The following CAPN5 variants were observed in gnomAD, a reference collection of about 807,000 sequenced individuals.
CAPN5 encodes calpain-5.
A neutral mutation model predicts 73.0 loss-of-function variants in CAPN5; 54 were observed. The observed-to-expected ratio is 0.74, with a 90% CI of 0.59 to 0.93. The LOEUF is 0.93. Ranked by LOEUF, CAPN5 falls within the 40% of genes least tolerant of loss-of-function variation. CAPN5 has a pLI of 0.00. For synonymous variants in CAPN5, 335 were observed against 356.9 expected (o/e 0.94, Z 0.69); for missense variants, 785 against 882.9 (o/e 0.89, Z 1.41).
intron 11 of CAPN5, among the ~76,000 whole-genome samples, 164 bp downstream of exon 11, chr11:77,122,213 G>T (rs1176334338): frequency 6.6e-6 from 1 of 152,332 alleles, no homozygotes; most frequent in East Asian, 1.9e-4. Context: ...AGAGGAAAAG[G>T]TTTACCTTCT....
intron 3 of CAPN5, among the ~76,000 whole-genome samples, chr11:77,094,528 C>G (rs2135437906): frequency 6.6e-6 from 1 of 152,370 alleles, no homozygotes; most frequent in Non-Finnish European, 1.5e-5. Flanking sequence ...GGAGGCAGAC[C>G]CTGGCTCCCT....
chr11:77,073,856 C>A (rs527735827), intron 1 of CAPN5, among the ~76,000 whole-genome samples: 2 of 152,136 alleles, frequency 1.3e-5, no homozygotes, highest in Non-Finnish European at 2.9e-5. Flanking sequence ...TTGGCTCTGG[C>A]GCCAGAACCC....
intron 2 of CAPN5, among the ~76,000 whole-genome samples, chr11:77,091,242 A>T (rs1555036469): frequency 1.3e-5 from 2 of 152,168 alleles, no homozygotes; most frequent in Non-Finnish European, 2.9e-5. Flanking sequence ...CCCTGCTGGG[A>T]TGACCATTTA....
chr11:77,099,276 T>C (rs71428289), intron 3 of CAPN5, among the ~76,000 whole-genome samples: 1 of 101,758 alleles, frequency 9.8e-6, no homozygotes, highest in African/African-American at 4.1e-5. Context: ...GCTCCTCACA[T>C]CCCAGACGAT....
intron 1 of CAPN5, chr11:77,073,063 C>T: frequency 7.8e-7 from 1 of 1,289,498 alleles, no homozygotes; most frequent in Non-Finnish European, 1.0e-6. Flanking sequence ...ATGTCCTGCA[C>T]AGGGACGCCC....
intron 3 of CAPN5, among the ~76,000 whole-genome samples, chr11:77,094,620 G>C (rs1297823814): frequency 1.3e-5 from 2 of 152,234 alleles, no homozygotes; most frequent in South Asian, 4.1e-4. Flanking sequence ...CCCTTGGGAG[G>C]GGCTGGCAGT....
intron 8 of CAPN5, among the ~76,000 whole-genome samples, 156 bp downstream of exon 8, chr11:77,118,508 C>G (rs1224040290): frequency 5.3e-5 from 8 of 152,202 alleles, no homozygotes; most frequent in African/African-American, 1.9e-4. Context: ...TGGGCACATC[C>G]GTCCCATCTG....
Position 77,119,118 on chromosome 11 carries a change from G to A in CAPN5, c.1256G>A (p.Gly419Asp). 6.2e-7 allele frequency: 1 copy of A among 1,613,578 alleles called. No homozygotes were observed. Among genetic ancestry groups the A allele is most frequent in the Non-Finnish European group, 8.5e-7 (1 of 1,179,812 alleles). Residue 419 changes from glycine (G) to aspartate (D), a missense_variant, in exon 9 of 13, where the codon GGT (glycine) becomes GAT (aspartate). Coordinates refer to ENST00000648180, the MANE Select transcript of CAPN5 (RefSeq NM_004055.5). ...CGGTCTACGCGCCGGGAGGGCAAGG[G>A]TGAGAACCTGGCCATTGGCTTTGAC... ...PKRSTRREGK[G>D]ENLAIGFDIY...
At chr11:77,114,556 G>T (rs983748630) in intron 5 of CAPN5, 122 bp downstream of exon 5, 3 of 901,674 alleles carry the variant, frequency 3.3e-6, no homozygotes, top group African/African-American at 3.3e-5. Flanking sequence ...TCAGCCTCGT[G>T]GGGGAGGGGA....
At position 77,085,043 on chromosome 11, in the gene CAPN5, C is replaced by A; in HGVS notation, c.157C>A (p.Arg53=). The part of the protein sequence containing the change: ...GTPGPAVRWK[R]PKGICEDPRL... ...GCCGGGGCCCGCCGTCAGGTGGAAGCGACCCAAGGTCAGTGTCTGGTCCCA... is the reference window on the plus strand; with the variant it reads ...GCCGGGGCCCGCCGTCAGGTGGAAGAGACCCAAGGTCAGTGTCTGGTCCCA... The change falls in exon 2 of 13, where the codon CGA becomes AGA. Residue 53 remains arginine (R), a synonymous_variant. Transcript: ENST00000648180. The A allele has an allele frequency of 6.2e-7, 1 of 1,613,140 alleles. No individual in the cohort carries two copies. Among genetic ancestry groups the A allele is most frequent in the Middle Eastern group, 1.7e-4 (1 of 6,048 alleles).
intron 1 of CAPN5, chr11:77,073,091 G>C (rs1012817303): frequency 7.8e-7 from 1 of 1,289,720 alleles, no homozygotes; most frequent in African/African-American, 1.5e-5. Context: ...TCTACCTGCT[G>C]TCAGCACTTT....
At chr11:77,114,511 C>A in intron 5 of CAPN5, 77 bp downstream of exon 5, 2 of 1,348,402 alleles carry the variant, frequency 1.5e-6, no homozygotes, top group Non-Finnish European at 1.1e-6. Flanking sequence ...ACTGTGACAT[C>A]CCACGCTCAG....
intron 5 of CAPN5, 29 bp downstream of exon 5, chr11:77,114,463 C>G: frequency 1.3e-6 from 2 of 1,595,090 alleles, no homozygotes; most frequent in Non-Finnish European, 8.6e-7. Flanking sequence ...CCAGAGGCGA[C>G]CCCTCCCCTT....
rs200247455 is a variant in CAPN5 at position 77,123,665 on chromosome 11, C to T, written c.1741-23C>T. The T allele has an allele frequency of 2.8e-4, 446 of 1,603,576 alleles. No homozygotes were observed. In the East Asian group the frequency reaches 9.1e-3, roughly 33 times the overall value. On this transcript the variant is annotated intron_variant, in intron 12 of 12. Coordinates refer to ENST00000648180, the MANE Select transcript of CAPN5 (RefSeq NM_004055.5). ...GGTCTTGGAGGTAGCCCGCCCCTCC[C>T]ATGATCCTCTGTCTCTTCCCAGGTC... is the stretch of plus-strand genomic sequence containing the variant.
chr11:77,113,061 G>A (rs1555041040), intron 4 of CAPN5: 4 of 571,490 alleles, frequency 7.0e-6, no homozygotes, highest in East Asian at 2.9e-5. Context: ...GCAACATCCT[G>A]TAGGTAGCTG....
At chr11:77,098,414 C>T (rs1384307434) in intron 3 of CAPN5, among the ~76,000 whole-genome samples, 2,318 of 79,498 alleles carry the variant, frequency 0.029, 1 homozygote, top group East Asian at 0.071. Flanking sequence ...GGCGGCTGGC[C>T]GGGCAGAGGG....
intron 2 of CAPN5, among the ~76,000 whole-genome samples, chr11:77,085,343 T>C (rs1555035309): frequency 6.6e-6 from 1 of 152,180 alleles, no homozygotes; most frequent in African/African-American, 2.4e-5. Context: ...TGAGGGTCAT[T>C]TTTGGAATAA....
chr11:77,069,084 C>T (rs1949875122), intron 1 of CAPN5, among the ~76,000 whole-genome samples: 1 of 152,204 alleles, frequency 6.6e-6, no homozygotes, highest in African/African-American at 2.4e-5. Flanking sequence ...CCTCTCCTAC[C>T]TGCAGGGCCT....
Position 77,120,888 on chromosome 11 carries a change from C to T in CAPN5, c.1466C>T (p.Thr489Ile). The T allele has an allele frequency of 6.2e-7, 1 of 1,613,466 alleles. No individual in the cohort carries two copies. The highest frequency in any genetic ancestry group is 1.7e-5 in the Admixed American group (1 of 60,000). ...GGCGAGTTCCTGCTCCGAGTCTTCA[C>T]TGATGTGCCCTCCAACTGCCGGTAC... ...HTGEFLLRVFTDVPSNCRELR... is the reference protein window; with the variant it reads ...HTGEFLLRVFIDVPSNCRELR... Residue 489 changes from threonine (T) to isoleucine (I), a missense_variant, in exon 10 of 13, where the codon ACT becomes ATT. By Grantham distance (89) the Thr-to-Ile change is moderately conservative (BLOSUM62 -1). Transcript: ENST00000648180.
Sources: allele counts gnomAD v4.1 joint callset (sites outside exome capture counted in the v4.1 genomes callset), GRCh38; gene constraint gnomAD v4.1.1; transcripts MANE v1.5; gene names NCBI Gene and HGNC (gene_info 2026-07-23, HGNC 2026-07-21).